WDR1: variants seen among roughly 807,000 people sequenced by gnomAD.
WDR1 encodes the protein WD repeat domain 1, also known as WD repeat-containing protein 1.
Under a neutral mutation model 71.9 loss-of-function variants are expected in WDR1, and 21 were observed. The ratio of observed to expected loss-of-function variants is 0.29; its 90% CI spans 0.21 to 0.42. The LOEUF (loss-of-function observed/expected upper bound fraction) is 0.42, where lower values mean the gene tolerates loss of function less well. WDR1 is among the 10% of genes least tolerant of loss of function. WDR1 has a pLI of 1.00. For synonymous variants in WDR1, 424 were observed against 347.4 expected, an observed-to-expected ratio of 1.22 and a Z score of -2.45; for missense variants, 696 against 824.5, an observed-to-expected ratio of 0.84 and a Z score of 1.91.
intron 2 of WDR1, chr4:10,115,653 T>C (rs1209449352): frequency 6.5e-6 from 1 of 153,950 alleles, no homozygotes; most frequent in Non-Finnish European, 1.5e-5. Context: ...GGTCATCATC[T>C]CATCATCTGT....
In WDR1 at chr4:10,098,863, C is replaced by G. The variant is rs903634058; in HGVS notation, c.377+129G>C. On this transcript the variant is annotated intron_variant, in intron 4 of 14. Coordinates refer to ENST00000499869, the MANE Select transcript of WDR1 (RefSeq NM_017491.5). ...AGCCAGCCCTCACGGGGCCCGGCAC[C>G]TACTGGGAGCTCAACCCTCACGAGT... 136 of 1,372,862 alleles carry G rather than the reference C, an allele frequency of 9.9e-5. No individual in the cohort carries two copies. The African/African-American group carries it at 1.7e-3, about 17-fold the overall frequency. The allele number at this position is 1,372,862 out of a possible 1,614,324, so 85.0% of individuals were successfully genotyped here. A position where few individuals can be genotyped will look rare whatever the true frequency, so the allele number is the denominator to read the frequency against.
rs567570885 is a variant in WDR1, at chr4:10,088,030, A to C, written c.718-90T>G. On this transcript the variant is annotated intron_variant, in intron 7 of 14. Transcript: ENST00000499869. ...GCAGCTTGTCCACTGCGACTGTTTG[A>C]GTAGGACAGAAGGAGCCCAGAGAGA... The C allele has an allele frequency of 2.3e-6, 3 of 1,277,762 alleles. No individual in the cohort carries two copies. In the African/African-American group the frequency reaches 4.5e-5, roughly 19 times the overall value. 79.2% of individuals were successfully genotyped at this position (1,277,762 alleles called of 1,614,324 possible). A position where few individuals can be genotyped will look rare whatever the true frequency, so the allele number is the denominator to read the frequency against.
chr4:10,078,865 G>A (rs777929952), intron 12 of WDR1, 26 bp downstream of exon 12: 10 of 1,587,662 alleles, frequency 6.3e-6, no homozygotes, highest in Middle Eastern at 1.7e-4. Flanking sequence ...AGGACAGAGA[G>A]CACGGGGGAG....
intron 7 of WDR1, 32 bp from the exon 8 acceptor site, chr4:10,087,972 A>G (rs1411018854): frequency 1.3e-6 from 2 of 1,527,112 alleles, no homozygotes; most frequent in Non-Finnish European, 1.8e-6. Flanking sequence ...GTCATGTGCC[A>G]GAGGACTACA....
intron 5 of WDR1, chr4:10,093,184 A>C: frequency 1.7e-4 from 214 of 1,281,754 alleles, no homozygotes; most frequent in Non-Finnish European, 2.0e-4. Flanking sequence ...TAGTCAGCTC[A>C]GGAACCCTCT....
At chr4:10,116,375 C>G (rs1181600512) in intron 1 of WDR1, 141 bp from the exon 2 acceptor site, 1 of 1,287,876 alleles carries the variant, frequency 7.8e-7, no homozygotes, top group South Asian at 1.4e-5. Context: ...CCACGAGCGC[C>G]AGGAACCGCG....
At position 10,084,428 on chromosome 4, in the gene WDR1, T is replaced by C. The variant is rs1041307565; in HGVS notation, c.1039+15A>G. ...GCCAGCGGCTCCGGAGCCAGCTCTT[T>C]GAGTCAAAGGATATTAATGTGTCCG... On this transcript the variant is annotated intron_variant, in intron 9 of 14. Coordinates refer to ENST00000499869, the MANE Select transcript of WDR1 (RefSeq NM_017491.5). 8.7e-6 allele frequency: 14 copies of C among 1,612,210 alleles called. No homozygotes were observed. Among genetic ancestry groups the C allele is most frequent in the Non-Finnish European group, 1.0e-5 (12 of 1,178,938 alleles).
chr4:10,083,160 G>T lies in WDR1; in HGVS notation c.1058C>A (p.Thr353Lys), dbSNP rs767484132. 6.2e-7 allele frequency: 1 copy of T among 1,613,680 alleles called. No individual in the cohort carries two copies. The highest frequency in any genetic ancestry group is 1.7e-5 in the Admixed American group (1 of 59,994). Residue 353 changes from threonine to lysine, a missense_variant, in exon 10 of 15, where the codon ACG becomes AAG. Transcript: ENST00000499869. The part of the protein sequence containing the change: ...DGHINYWDSE[T>K]GENDSFAGKG... ...CCCAGCGAAGGAGTCGTTCTCCCCCGTCTCTGAATCCCAGTAATGTAGGGT... is the reference window on the plus strand; with the variant it reads ...CCCAGCGAAGGAGTCGTTCTCCCCCTTCTCTGAATCCCAGTAATGTAGGGT...
intron 2 of WDR1, among the ~76,000 whole-genome samples, chr4:10,113,580 C>T (rs1325811654): frequency 2.0e-5 from 3 of 148,490 alleles, no homozygotes; most frequent in African/African-American, 7.5e-5. Context: ...TTCAGCCACT[C>T]CAGCGAGTGT....
chr4:10,100,655 C>T (rs1712630944), intron 3 of WDR1, among the ~76,000 whole-genome samples: 1 of 152,120 alleles, frequency 6.6e-6, no homozygotes. Flanking sequence ...CCAGAAGGGC[C>T]CAGTTCTCTG....
In WDR1 at chr4:10,099,048, G is replaced by C. The variant is rs1175963790; in HGVS notation, c.321C>G (p.Asp107Glu). The stretch of plus-strand genomic sequence containing the variant: ...TCTTACTGTCTTCAGTCCAAGCAAT[G>C]TCTTTGATCTTCCCAGCGAAAGGCT... ...EYQPFAGKIK[D>E]IAWTEDSKRI... The change falls in exon 4 of 15, where the codon GAC becomes GAG. Residue 107 changes from aspartate to glutamate, a missense_variant. Transcript: ENST00000499869. 1.2e-6 allele frequency: 2 copies of C among 1,613,770 alleles called. No homozygotes were observed. The highest frequency in any genetic ancestry group is 1.7e-6 in the Non-Finnish European group (2 of 1,179,846).
rs1260118271 is a variant in WDR1 at position 10,077,937 on chromosome 4, GA to G, written c.1396-12del. 5 of 1,594,662 alleles carry G rather than the reference GA, an allele frequency of 3.1e-6. No homozygotes were observed. The African/African-American group carries it at 5.4e-5, about 17-fold the overall frequency. On this transcript the variant is annotated splice_polypyrimidine_tract_variant and intron_variant, in intron 12 of 14. Coordinates refer to ENST00000499869, the MANE Select transcript of WDR1 (RefSeq NM_017491.5). The stretch of plus-strand genomic sequence containing the variant: ...GCGGACGTTGCCGTCCTACGGCAGG[GA>G]CAGAGAGGAAGTGAGCCACCCCTGA...
In WDR1 at chr4:10,074,710, A is replaced by T. The variant is rs192895224; in HGVS notation, c.*668T>A. On this transcript the variant is annotated 3_prime_UTR_variant, in exon 15 of 15. Transcript: ENST00000499869. ...TTGGACACGGTGCCGTCAACGCACTAGTTTGTAAACACTGACAGGCAACAG... is the reference window on the plus strand; with the variant it reads ...TTGGACACGGTGCCGTCAACGCACTTGTTTGTAAACACTGACAGGCAACAG... 3 of 152,596 alleles carry T rather than the reference A, an allele frequency of 2.0e-5. No individual in the cohort carries two copies. The highest frequency in any genetic ancestry group is 4.4e-5 in the Non-Finnish European group (3 of 68,044). 9.5% of individuals were successfully genotyped at this position (152,596 alleles called of 1,614,324 possible).
At position 10,077,429 on chromosome 4, in the gene WDR1, C is replaced by G; in HGVS notation, c.1589G>C (p.Gly530Ala). Residue 530 changes from glycine to alanine, a missense_variant, in exon 14 of 15, where the codon GGA becomes GCA. Transcript: ENST00000499869. ...CAGGCAGACGATTTTTGCATGGTGT[C>G]CATAAAAAACATTGTTCTCCTAGTT... The part of the protein sequence containing the change: ...DGYSENNVFY[G>A]HHAKIVCLAW... 1 of 1,613,936 alleles carries G rather than the reference C, an allele frequency of 6.2e-7. No homozygotes were observed. Among genetic ancestry groups the G allele is most frequent in the Non-Finnish European group, 8.5e-7 (1 of 1,179,850 alleles).
At chr4:10,075,788 G>A (rs1764778312) in intron 14 of WDR1, 1 of 494,066 alleles carries the variant, frequency 2.0e-6, no homozygotes, top group Non-Finnish European at 3.7e-6. Context: ...AAGTTCCACA[G>A]GAGTGAAATA....
intron 5 of WDR1, among the ~76,000 whole-genome samples, chr4:10,089,593 CT>C (rs1228677697): frequency 1.3e-5 from 2 of 152,322 alleles, no homozygotes; most frequent in African/African-American, 4.8e-5. Context: ...AGTTGTAAAG[CT>C]GCCAACACCT....
chr4:10,076,150 C>T (rs1764792208), intron 14 of WDR1: 1 of 152,726 alleles, frequency 6.5e-6, no homozygotes, highest in Admixed American at 6.5e-5. Flanking sequence ...GGCCCCCAGC[C>T]TCTAGATCTG....
intron 5 of WDR1, chr4:10,093,189 C>T (rs1194672586): frequency 2.3e-6 from 3 of 1,279,740 alleles, no homozygotes; most frequent in Non-Finnish European, 3.1e-6. Context: ...AGCTCAGGAA[C>T]CCTCTGGGAG....
chr4:10,110,551 G>A (rs147654569), intron 2 of WDR1, among the ~76,000 whole-genome samples: 3 of 152,128 alleles, frequency 2.0e-5, no homozygotes, highest in Non-Finnish European at 2.9e-5. Flanking sequence ...CACCTCTGCC[G>A]TGTGTCTCAA....
Sources: allele counts gnomAD v4.1 joint callset (sites outside exome capture counted in the v4.1 genomes callset), GRCh38; gene constraint gnomAD v4.1.1; transcripts MANE v1.5; gene names NCBI Gene and HGNC (gene_info 2026-07-23, HGNC 2026-07-21).